Variants in MITF observed in about 807,000 individuals in gnomAD.
MITF encodes melanocyte inducing transcription factor.
A neutral mutation model predicts 60.5 loss-of-function variants in MITF; 17 were observed. The observed-to-expected ratio is 0.28, with a 90% CI of 0.19 to 0.42. The LOEUF (loss-of-function observed/expected upper bound fraction) is 0.42. Ranked by LOEUF, MITF falls within the 10% of genes least tolerant of loss-of-function variation. MITF has a pLI of 1.00. For synonymous variants in MITF, 260 were observed against 248.5 expected (o/e 1.05, Z -0.43); for missense variants, 622 against 683.5 (o/e 0.91, Z 1.00).
intron 1 of MITF, among the ~76,000 whole-genome samples, chr3:69,773,049 A>G (rs1033247866): frequency 2.6e-5 from 4 of 152,196 alleles, no homozygotes; most frequent in Non-Finnish European, 4.4e-5. Flanking sequence ...GTAATTTAAA[A>G]CTGAGTGGAC....
intron 1 of MITF, among the ~76,000 whole-genome samples, chr3:69,839,206 G>A (rs1421654430): frequency 6.6e-6 from 1 of 150,838 alleles, no homozygotes; most frequent in Non-Finnish European, 1.5e-5. Context: ...AAGTGGCTGG[G>A]TTCTAACTCC....
At chr3:69,777,530 G>A (rs1047635306) in intron 1 of MITF, among the ~76,000 whole-genome samples, 2 of 152,214 alleles carry the variant, frequency 1.3e-5, no homozygotes, top group Non-Finnish European at 2.9e-5. Context: ...GCTTTGAGTA[G>A]CATTGGTCCT....
chr3:69,747,148 G>A (rs913510633), intron 1 of MITF, among the ~76,000 whole-genome samples: 1 of 152,160 alleles, frequency 6.6e-6, no homozygotes, highest in African/African-American at 2.4e-5. Flanking sequence ...GCTGGCCATA[G>A]GGAGTCCAGT....
intron 1 of MITF, among the ~76,000 whole-genome samples, chr3:69,783,717 A>G (rs1484406268): frequency 2.0e-5 from 3 of 151,930 alleles, no homozygotes; most frequent in Admixed American, 6.6e-5. Flanking sequence ...TTGTTCGTGT[A>G]TGTGTATTTC....
chr3:69,784,878 C>G (rs907807316), intron 1 of MITF, among the ~76,000 whole-genome samples: 16 of 152,116 alleles, frequency 1.1e-4, no homozygotes, highest in African/African-American at 3.1e-4. Flanking sequence ...TTCTGAAGGT[C>G]AGATCCAAGG....
At chr3:69,907,916 A>T (rs75920629) in intron 2 of MITF, among the ~76,000 whole-genome samples, 2,329 of 152,340 alleles carry the variant, frequency 0.015, 28 homozygotes, top group Middle Eastern at 0.051. Flanking sequence ...GCTTAAAAAC[A>T]GTAAGTGTTA....
intron 1 of MITF, among the ~76,000 whole-genome samples, chr3:69,872,914 C>A (rs114448369): frequency 6.6e-6 from 1 of 152,134 alleles, no homozygotes; most frequent in Non-Finnish European, 1.5e-5. Context: ...TGTCCAGTTG[C>A]GACACCATGA....
chr3:69,754,373 C>T (rs997998127), intron 1 of MITF, among the ~76,000 whole-genome samples: 32 of 152,122 alleles, frequency 2.1e-4, no homozygotes, highest in Non-Finnish European at 3.5e-4. Flanking sequence ...CATACCAACA[C>T]GCCATGTTGG....
chr3:69,786,490 A>G (rs949809156), intron 1 of MITF, among the ~76,000 whole-genome samples: 5 of 152,218 alleles, frequency 3.3e-5, no homozygotes, highest in East Asian at 1.9e-4. Context: ...AAATGAATGT[A>G]TATCCTTTTA....
At chr3:69,920,493 T>C (rs904002410) in intron 2 of MITF, among the ~76,000 whole-genome samples, 2 of 152,176 alleles carry the variant, frequency 1.3e-5, no homozygotes, top group Non-Finnish European at 2.9e-5. Context: ...GGCTCTGCCT[T>C]CTAGATAGCA....
At chr3:69,897,552 A>T (rs1196220501) in intron 2 of MITF, among the ~76,000 whole-genome samples, 1 of 152,178 alleles carries the variant, frequency 6.6e-6, no homozygotes, top group African/African-American at 2.4e-5. Context: ...ATTTATTTTC[A>T]TAGGGTCTTT....
chr3:69,924,074 A>G (rs896010692), intron 2 of MITF, among the ~76,000 whole-genome samples: 1 of 152,192 alleles, frequency 6.6e-6, no homozygotes, highest in Non-Finnish European at 1.5e-5. Context: ...TTTTGATCTG[A>G]AAAGGTCAAT....
chr3:69,852,275 G>A lies in MITF; in HGVS notation c.105-26859G>A, dbSNP rs143670342. Reference sequence around the variant, plus strand: ...CTGAGGAATTTTCACCAGATAGCTAGCACCCAATCTCTAAGATAGAGCATC... The same window carrying A: ...CTGAGGAATTTTCACCAGATAGCTAACACCCAATCTCTAAGATAGAGCATC... On this transcript the variant is annotated intron_variant, in intron 1 of 9. Coordinates refer to ENST00000352241, the MANE Select transcript of MITF (RefSeq NM_001354604.2). 5.9e-5 allele frequency among the ~76,000 whole-genome samples: 9 copies of A among 152,272 alleles called. No homozygotes were observed. The East Asian group carries it at 1.5e-3, about 26-fold the overall frequency.
At chr3:69,805,436 G>C (rs1430609) in intron 1 of MITF, among the ~76,000 whole-genome samples, 75,659 of 151,834 alleles carry the variant, frequency 0.5, 20,639 homozygotes, top group Non-Finnish European at 0.64. Context: ...TCATGTTATG[G>C]TAAATGACAG....
intron 2 of MITF, among the ~76,000 whole-genome samples, chr3:69,923,899 CAT>C (rs978826347): frequency 6.6e-5 from 10 of 151,858 alleles, no homozygotes; most frequent in Non-Finnish European, 1.2e-4. Flanking sequence ...TATGATAAGT[CAT>C]AGGTTTTTGT....
intron 7 of MITF, among the ~76,000 whole-genome samples, chr3:69,953,523 A>C (rs1011859695): frequency 2.0e-5 from 3 of 151,864 alleles, no homozygotes; most frequent in Non-Finnish European, 2.9e-5. Flanking sequence ...CAAAATGTAC[A>C]AAAGGATACA....
At chr3:69,837,838 G>T (rs1308000263) in intron 1 of MITF, among the ~76,000 whole-genome samples, 1 of 152,156 alleles carries the variant, frequency 6.6e-6, no homozygotes, top group African/African-American at 2.4e-5. Flanking sequence ...GTACTATACT[G>T]TATATGATCT....
At chr3:69,873,157 C>T (rs1223809713) in intron 1 of MITF, among the ~76,000 whole-genome samples, 2 of 152,036 alleles carry the variant, frequency 1.3e-5, no homozygotes, top group East Asian at 1.9e-4. Context: ...AGTGTGAAGC[C>T]GAACTATGAT....
chr3:69,814,808 T>C (rs1299122865), intron 1 of MITF, among the ~76,000 whole-genome samples: 2 of 152,130 alleles, frequency 1.3e-5, no homozygotes, highest in Non-Finnish European at 2.9e-5. Context: ...GGAGATTTGC[T>C]TGATTCTCCC....
Sources: allele counts gnomAD v4.1 joint callset (sites outside exome capture counted in the v4.1 genomes callset), GRCh38; gene constraint gnomAD v4.1.1; transcripts MANE v1.5; gene names NCBI Gene and HGNC (gene_info 2026-07-23, HGNC 2026-07-21).